Variants in SNRPN observed in about 807,000 individuals in gnomAD.
SNRPN encodes small nuclear ribonucleoprotein polypeptide N, also known as small nuclear ribonucleoprotein-associated protein N.
In SNRPN, 7 loss-of-function variants were observed where a neutral mutation model predicts 25.2. The observed-to-expected ratio is 0.28, with a 90% CI of 0.16 to 0.52. The LOEUF (loss-of-function observed/expected upper bound fraction) is 0.52, where lower values mean the gene tolerates loss of function less well. Ranked by LOEUF, SNRPN falls within the 20% of genes least tolerant of loss-of-function variation. The probability of loss-of-function intolerance (pLI) is 0.96; values close to 1 mark genes in which losing one functional copy is unlikely to be tolerated. For synonymous variants in SNRPN, 124 were observed against 110.6 expected (o/e 1.12, Z -0.76); for missense variants, 196 against 322.5 (o/e 0.61, Z 3.00).
intron 1 of SNRPN, among the ~76,000 whole-genome samples, chr15:24,863,976 T>G (rs1184792995): frequency 6.7e-6 from 1 of 150,032 alleles, no homozygotes; most frequent in Non-Finnish European, 1.5e-5. Flanking sequence ...TTATCGATTT[T>G]TAGATGTTTT....
intron 1 of SNRPN, among the ~76,000 whole-genome samples, chr15:24,878,147 T>G (rs2056168211): frequency 6.6e-6 from 1 of 152,218 alleles, no homozygotes; most frequent in South Asian, 2.1e-4. Context: ...GAACGGGACT[T>G]CTTAGGTTAA....
At chr15:24,918,574 ATATATATAACATAATATATATG>A (rs2059734170) in intron 2 of SNRPN, among the ~76,000 whole-genome samples, 1 of 46,064 alleles carries the variant, frequency 2.2e-5, no homozygotes, top group Non-Finnish European at 3.8e-5. Flanking sequence ...ATATATATGT[ATATATATAACATAATATATATG>A]TATATATATA....
intron 3 of SNRPN, among the ~76,000 whole-genome samples, chr15:24,935,685 G>A (rs1021909018): frequency 1.3e-5 from 2 of 152,150 alleles, no homozygotes; most frequent in South Asian, 2.1e-4. Flanking sequence ...ATAATCAAGG[G>A]AAGTTTTAAA....
intron 2 of SNRPN, among the ~76,000 whole-genome samples, chr15:24,830,653 T>C (rs962558922): frequency 2.0e-5 from 3 of 152,110 alleles, no homozygotes; most frequent in Non-Finnish European, 2.9e-5. Context: ...GTTCAAATTA[T>C]TTTAAAAAAT....
At chr15:24,860,020 C>T (rs2053851867) in intron 1 of SNRPN, among the ~76,000 whole-genome samples, 1 of 152,132 alleles carries the variant, frequency 6.6e-6, no homozygotes, top group South Asian at 2.1e-4. Context: ...CCTGATGTGA[C>T]TTAAAATGCC....
In SNRPN at chr15:24,978,457, C is replaced by A; in HGVS notation, c.*13C>A. 6.2e-7 allele frequency: 1 copy of A among 1,611,562 alleles called. No homozygotes were observed. The highest frequency in any genetic ancestry group is 8.5e-7 in the Non-Finnish European group (1 of 1,178,374). ...ACCAAGACCTTAGCATACTGTTGAT[C>A]CATCTCAGTCACTTTTTCCCCTGCA... On this transcript the variant is annotated 3_prime_UTR_variant, in exon 10 of 10. Transcript: ENST00000390687.
At chr15:24,904,055 T>G (rs1595809734) in intron 2 of SNRPN, among the ~76,000 whole-genome samples, 1 of 144,392 alleles carries the variant, frequency 6.9e-6, no homozygotes, top group African/African-American at 2.6e-5. Flanking sequence ...AAAAAAAAGA[T>G]CGGAGCAAGA....
intron 1 of SNRPN, among the ~76,000 whole-genome samples, chr15:24,862,184 A>T (rs2054045381): frequency 6.6e-6 from 1 of 151,232 alleles, no homozygotes; most frequent in African/African-American, 2.5e-5. Context: ...ATGATGAAAT[A>T]TGAGAACAAC....
intron 2 of SNRPN, among the ~76,000 whole-genome samples, chr15:24,834,751 C>CTCTCTCTCTCTCTATATATATGTA: frequency 1.6e-5 from 1 of 60,956 alleles, no homozygotes; most frequent in African/African-American, 5.9e-5. Context: ...CTCTCTCTCT[C>CTCTCTCTCTCTCTATATATATGTA]TATATATATA....
At chr15:24,831,839 C>G (rs1236721742) in intron 2 of SNRPN, among the ~76,000 whole-genome samples, 1 of 152,040 alleles carries the variant, frequency 6.6e-6, no homozygotes, top group Non-Finnish European at 1.5e-5. Flanking sequence ...TCCTGTTTTG[C>G]ATATACACTG....
intron 2 of SNRPN, among the ~76,000 whole-genome samples, chr15:24,964,217 T>G (rs2075287804): frequency 6.6e-6 from 1 of 152,208 alleles, no homozygotes; most frequent in South Asian, 2.1e-4. Context: ...GTTTGTATAT[T>G]GGTAAATATT....
chr15:24,834,071 GCC>G (rs1566805491), intron 2 of SNRPN, among the ~76,000 whole-genome samples: 1 of 151,992 alleles, frequency 6.6e-6, no homozygotes, highest in African/African-American at 2.4e-5. Flanking sequence ...GATTACAGGC[GCC>G]TGCCACCACA....
At chr15:24,856,162 C>T (rs1182317014), upstream of SNRPN, among the ~76,000 whole-genome samples, 1 of 152,098 alleles carries the variant, frequency 6.6e-6, no homozygotes, top group Non-Finnish European at 1.5e-5. Flanking sequence ...GCCAAGTGTG[C>T]TATTATATAA....
At chr15:24,893,433 G>A (rs1202658119) in intron 2 of SNRPN, among the ~76,000 whole-genome samples, 1 of 151,814 alleles carries the variant, frequency 6.6e-6, no homozygotes, top group Non-Finnish European at 1.5e-5. Context: ...CCTGGGCAAC[G>A]TATTGAGACC....
chr15:24,877,989 CAT>C (rs1306571836), intron 1 of SNRPN, among the ~76,000 whole-genome samples: 1 of 152,338 alleles, frequency 6.6e-6, no homozygotes, highest in East Asian at 1.9e-4. Context: ...CACTTACAAA[CAT>C]GCATGTACAC....
At chr15:24,841,276 C>T (rs958786216) in intron 2 of SNRPN, among the ~76,000 whole-genome samples, 36 of 151,914 alleles carry the variant, frequency 2.4e-4, no homozygotes, top group Non-Finnish European at 4.3e-4. Flanking sequence ...GGAGTGGATA[C>T]GGCCCACTAT....
chr15:24,871,689 T>C (rs893967341), intron 1 of SNRPN, among the ~76,000 whole-genome samples: 2 of 151,912 alleles, frequency 1.3e-5, no homozygotes, highest in Non-Finnish European at 2.9e-5. Flanking sequence ...TCATTACCTA[T>C]ATGACTAGCA....
rs542579464 is a variant in SNRPN, at chr15:24,863,573, T to A, written c.-579+6857T>A. On this transcript the variant is annotated intron_variant, in intron 1 of 11. Transcript: ENST00000400097. ...TATTTTGACTTTTTTCTACCACATG[T>A]ACCCTTTCATGTGTACCTAGCAAAA... Among the ~76,000 whole-genome samples the A allele has an allele frequency of 3.3e-5, 5 of 150,978 alleles. No individual in the cohort carries two copies. In the East Asian group the frequency reaches 9.8e-4, roughly 29 times the overall value.
At chr15:24,965,659 G>A (rs1279559480) in intron 2 of SNRPN, among the ~76,000 whole-genome samples, 3 of 152,170 alleles carry the variant, frequency 2.0e-5, no homozygotes, top group Non-Finnish European at 2.9e-5. Context: ...AGTTCGAAGG[G>A]AAATTGGAAA....
Sources: allele counts gnomAD v4.1 joint callset (sites outside exome capture counted in the v4.1 genomes callset), GRCh38; gene constraint gnomAD v4.1.1; transcripts MANE v1.5; gene names NCBI Gene and HGNC (gene_info 2026-07-23, HGNC 2026-07-21).